SLC9A9: variants seen among roughly 807,000 people sequenced by gnomAD.
SLC9A9 encodes the protein solute carrier family 9 member A9, also known as sodium/hydrogen exchanger 9.
Under a neutral mutation model 77.8 loss-of-function variants are expected in SLC9A9, and 62 were observed. The observed-to-expected ratio is 0.80, with a 90% confidence interval of 0.65 to 0.98. The LOEUF is 0.98. SLC9A9 is among the 50% of genes least tolerant of loss of function. The probability of loss-of-function intolerance (pLI) is 0.00; values close to 1 mark genes in which losing one functional copy is unlikely to be tolerated. For missense variants in SLC9A9, 775 were observed against 774.9 expected (o/e 1.00, Z 0.00); for synonymous variants, 320 against 283.5 (o/e 1.13, Z -1.29).
chr3:143,821,983 C>T (rs749951532), intron 2 of SLC9A9, among the ~76,000 whole-genome samples: 30 of 152,192 alleles, frequency 2.0e-4, no homozygotes, highest in African/African-American at 5.1e-4. Context: ...CTGCAGCAAG[C>T]GCTGTCAGTC....
intron 4 of SLC9A9, among the ~76,000 whole-genome samples, chr3:143,772,772 G>A (rs193101032): frequency 1.6e-4 from 25 of 152,302 alleles, no homozygotes; most frequent in African/African-American, 3.6e-4. Flanking sequence ...CGTTATAGAC[G>A]CTACTGCCCA....
At chr3:143,746,732 C>T (rs1398414879) in intron 4 of SLC9A9, among the ~76,000 whole-genome samples, 1 of 151,936 alleles carries the variant, frequency 6.6e-6, no homozygotes, top group Non-Finnish European at 1.5e-5. Flanking sequence ...GCCTGCCTAT[C>T]AAAGATAAAA....
At chr3:143,840,663 G>A (rs898534314) in intron 1 of SLC9A9, among the ~76,000 whole-genome samples, 1 of 152,142 alleles carries the variant, frequency 6.6e-6, no homozygotes, top group African/African-American at 2.4e-5. Context: ...ATAGACAGTG[G>A]AACATTTCAG....
chr3:143,381,714 A>T (rs2033307881), intron 13 of SLC9A9, among the ~76,000 whole-genome samples: 1 of 152,232 alleles, frequency 6.6e-6, no homozygotes, highest in Non-Finnish European at 1.5e-5. Flanking sequence ...TGCATTGGAC[A>T]TACTTTGTGT....
chr3:143,475,053 G>T lies in SLC9A9; in HGVS notation c.1316-7863C>A, dbSNP rs200610040. 4.0e-5 allele frequency among the ~76,000 whole-genome samples: 6 copies of T among 151,870 alleles called. No homozygotes were observed. In the East Asian group the frequency reaches 1.2e-3, roughly 29 times the overall value. On this transcript the variant is annotated intron_variant, in intron 11 of 15. Coordinates refer to ENST00000316549, the MANE Select transcript of SLC9A9 (RefSeq NM_173653.4). ...AGCTCACTGTAACCTCCGCCTCCTG[G>T]GTTCAAGTGATTCCCTTGCCTCAGC...
intron 1 of SLC9A9, among the ~76,000 whole-genome samples, chr3:143,840,214 T>C (rs1286326093): frequency 8.6e-6 from 1 of 115,638 alleles, no homozygotes; most frequent in African/African-American, 3.0e-5. Context: ...GGAAACACAC[T>C]GAGAAGCATT....
intron 6 of SLC9A9, among the ~76,000 whole-genome samples, chr3:143,601,865 G>T (rs1414763251): frequency 6.6e-6 from 1 of 151,822 alleles, no homozygotes; most frequent in Admixed American, 6.6e-5. Flanking sequence ...ACATGGCATT[G>T]TGCCATGCCC....
At chr3:143,796,715 T>C (rs531231238) in intron 3 of SLC9A9, 111 bp downstream of exon 3, 6 of 719,694 alleles carry the variant, frequency 8.3e-6, no homozygotes, top group South Asian at 7.5e-5. Context: ...AAATTTAAGA[T>C]AATGATACTC....
intron 12 of SLC9A9, among the ~76,000 whole-genome samples, chr3:143,463,905 A>C (rs1241942589): frequency 6.6e-6 from 1 of 152,232 alleles, no homozygotes; most frequent in African/African-American, 2.4e-5. Flanking sequence ...CAGTTCCATC[A>C]AAGTGCAATT....
chr3:143,556,771 C>T lies in SLC9A9; in HGVS notation c.1001-4321G>A, dbSNP rs575536752. On this transcript the variant is annotated intron_variant, in intron 8 of 15. Coordinates refer to ENST00000316549, the MANE Select transcript of SLC9A9 (RefSeq NM_173653.4). ...TTTTCTTTTTTTCTGAGTCAATCCT[C>T]GTTGATATTCTCTTGTGGTTATCTT... 5.3e-5 allele frequency among the ~76,000 whole-genome samples: 8 copies of T among 152,286 alleles called. No homozygotes were observed. The East Asian group carries it at 5.8e-4, about 11-fold the overall frequency.
At chr3:143,586,638 A>C (rs2037546098) in intron 6 of SLC9A9, among the ~76,000 whole-genome samples, 1 of 152,260 alleles carries the variant, frequency 6.6e-6, no homozygotes, top group Non-Finnish European at 1.5e-5. Context: ...AAGTTGCTTA[A>C]TTATGAATAA....
chr3:143,390,595 C>CA (rs1244091968), intron 12 of SLC9A9, among the ~76,000 whole-genome samples: 1 of 152,166 alleles, frequency 6.6e-6, no homozygotes, highest in African/African-American at 2.4e-5. Flanking sequence ...GCTTGTCGGA[C>CA]AGGGGGTGCA....
At chr3:143,352,017 G>A (rs2032467249) in intron 14 of SLC9A9, among the ~76,000 whole-genome samples, 1 of 152,230 alleles carries the variant, frequency 6.6e-6, no homozygotes. Context: ...TGTTTACCAT[G>A]TGGGGCACCT....
chr3:143,356,023 G>A (rs1347137262), intron 14 of SLC9A9, among the ~76,000 whole-genome samples: 1 of 152,088 alleles, frequency 6.6e-6, no homozygotes, highest in African/African-American at 2.4e-5. Context: ...ACAAAGCAGA[G>A]ATACCAAAGC....
chr3:143,439,382 G>A (rs1257326742), intron 12 of SLC9A9, among the ~76,000 whole-genome samples: 1 of 152,192 alleles, frequency 6.6e-6, no homozygotes, highest in African/African-American at 2.4e-5. Flanking sequence ...GCTGCCTCTG[G>A]CTCAGCTCAT....
At chr3:143,677,628 G>A (rs1932926413) in intron 5 of SLC9A9, among the ~76,000 whole-genome samples, 1 of 152,122 alleles carries the variant, frequency 6.6e-6, no homozygotes, top group Admixed American at 6.5e-5. Context: ...CTAGAAATGT[G>A]TAAAAGTCCA....
intron 2 of SLC9A9, among the ~76,000 whole-genome samples, chr3:143,802,040 T>C (rs2008576999): frequency 6.6e-6 from 1 of 152,222 alleles, no homozygotes; most frequent in African/African-American, 2.4e-5. Flanking sequence ...ACGCTTATGC[T>C]GATAAGGTAG....
At chr3:143,754,673 C>G (rs1211119748) in intron 4 of SLC9A9, among the ~76,000 whole-genome samples, 1 of 152,016 alleles carries the variant, frequency 6.6e-6, no homozygotes, top group East Asian at 1.9e-4. Flanking sequence ...GAGGAAAGGA[C>G]AAGGGGAAAG....
At chr3:143,771,605 C>G (rs1011116849) in intron 4 of SLC9A9, among the ~76,000 whole-genome samples, 5 of 152,182 alleles carry the variant, frequency 3.3e-5, no homozygotes, top group Non-Finnish European at 7.3e-5. Flanking sequence ...TTTAACTGTC[C>G]TCTTTCAGCC....
Sources: allele counts gnomAD v4.1 joint callset (sites outside exome capture counted in the v4.1 genomes callset), GRCh38; gene constraint gnomAD v4.1.1; transcripts MANE v1.5; gene names NCBI Gene and HGNC (gene_info 2026-07-23, HGNC 2026-07-21).